The following EFCAB13 variants were observed in gnomAD, a reference collection of about 807,000 sequenced individuals.
EFCAB13 encodes the protein EF-hand calcium-binding domain-containing protein 13.
EFCAB13 carries 91 observed loss-of-function variants against 110.2 expected under a neutral mutation model. The ratio of observed to expected loss-of-function variants is 0.83; its 90% CI spans 0.70 to 0.98. The LOEUF is 0.98. Among genes scored for constraint, EFCAB13 ranks in the 50% least tolerant of loss-of-function variants. EFCAB13 has a pLI of 0.00. For missense variants in EFCAB13, 968 were observed against 1,119.4 expected (o/e 0.86, Z 1.93); for synonymous variants, 323 against 369.9 (o/e 0.87, Z 1.45).
rs1281935137 is a variant in EFCAB13, at chr17:47,431,892, T to G, written c.2638+1931T>G. On this transcript the variant is annotated intron_variant, in intron 24 of 24. Transcript: ENST00000331493. This position sits in a 1 kb window ranked among gnomAD's most constrained non-coding sequence, Gnocchi z 4.1. ...CAATTTTATACCATGATTATGTATT[T>G]GTCTACTTCTCCTTTTAATTCTGTC... 1.3e-5 allele frequency among the ~76,000 whole-genome samples: 2 copies of G among 152,360 alleles called. No homozygotes were observed. Among genetic ancestry groups the G allele is most frequent in the Admixed American group, 6.5e-5 (1 of 15,304 alleles).
At chr17:47,386,817 A>G (rs1028570443) in intron 14 of EFCAB13, among the ~76,000 whole-genome samples, 1 of 152,050 alleles carries the variant, frequency 6.6e-6, no homozygotes, top group African/African-American at 2.4e-5. Context: ...TGGGGAAAGC[A>G]TAGTATCTGG....
intron 9 of EFCAB13, among the ~76,000 whole-genome samples, chr17:47,353,903 C>A (rs1463848212): frequency 1.3e-5 from 2 of 151,660 alleles, no homozygotes; most frequent in Non-Finnish European, 2.9e-5. Flanking sequence ...TTGGTTATTT[C>A]TTTTCTTCTG....
chr17:47,344,449 T>C (rs2065404060), intron 7 of EFCAB13, among the ~76,000 whole-genome samples, 157 bp downstream of exon 7: 1 of 152,102 alleles, frequency 6.6e-6, no homozygotes, highest in Non-Finnish European at 1.5e-5. Context: ...TATATGGAAT[T>C]GGAAGACTTA....
chr17:47,371,365 T>C (rs2065583797), intron 11 of EFCAB13, among the ~76,000 whole-genome samples: 1 of 152,144 alleles, frequency 6.6e-6, no homozygotes, highest in African/African-American at 2.4e-5. Context: ...TCAGGTCTTA[T>C]GTTTAAGTCT....
At chr17:47,384,352 A>G (rs1280539813) in intron 14 of EFCAB13, among the ~76,000 whole-genome samples, 1 of 151,004 alleles carries the variant, frequency 6.6e-6, no homozygotes, top group Non-Finnish European at 1.5e-5. Flanking sequence ...TCCTGTCATC[A>G]TGATGCTAGC....
At chr17:47,437,840 T>C (rs1905241431) in intron 24 of EFCAB13, among the ~76,000 whole-genome samples, 1 of 152,168 alleles carries the variant, frequency 6.6e-6, no homozygotes, top group Non-Finnish European at 1.5e-5. Context: ...TTGTTTTTTG[T>C]TTTTGCTTTT....
intron 9 of EFCAB13, among the ~76,000 whole-genome samples, chr17:47,351,326 C>T (rs976817471): frequency 3.3e-4 from 37 of 110,844 alleles, no homozygotes; most frequent in African/African-American, 8.8e-4. Flanking sequence ...CGCGCGCGCG[C>T]GCCACGTTTT....
At chr17:47,413,130 A>G (rs762187653) in intron 22 of EFCAB13, among the ~76,000 whole-genome samples, 5 of 152,192 alleles carry the variant, frequency 3.3e-5, no homozygotes, top group Non-Finnish European at 7.3e-5. Context: ...TGCTTATTTA[A>G]TTACCATTCA....
At chr17:47,397,660 C>T (rs1451484160) in intron 17 of EFCAB13, among the ~76,000 whole-genome samples, 1 of 151,288 alleles carries the variant, frequency 6.6e-6, no homozygotes, top group Non-Finnish European at 1.5e-5. Context: ...GCCTCTACCC[C>T]GCCGCCCCGC....
At chr17:47,364,057 G>A (rs2065531872) in intron 10 of EFCAB13, among the ~76,000 whole-genome samples, 1 of 152,128 alleles carries the variant, frequency 6.6e-6, no homozygotes, top group African/African-American at 2.4e-5. Context: ...GGGTCTCCAG[G>A]TCTCCTGCTT....
chr17:47,391,691 T>A, intron 15 of EFCAB13, 111 bp downstream of exon 15: 1 of 952,168 alleles, frequency 1.1e-6, no homozygotes, highest in Non-Finnish European at 1.5e-6. Context: ...AAGTTAAAAT[T>A]AAACTAATAC....
chr17:47,382,736 C>A (rs1295514914), intron 14 of EFCAB13, among the ~76,000 whole-genome samples: 2 of 151,998 alleles, frequency 1.3e-5, no homozygotes, highest in Non-Finnish European at 2.9e-5. Flanking sequence ...ATATTGGCCC[C>A]AAATTTTCTT....
rs1325000658 is a variant in EFCAB13 at position 47,335,355 on chromosome 17, A to G, written c.190A>G (p.Ile64Val). ...GAGTTTGAGCCCAGAATATAAAAAA[A>G]TGTAAGTTAAAAACTCTGAACTTAC... ...IRSLSPEYKKIFETSIIFCGE... is the reference protein window; with the variant it reads ...IRSLSPEYKKVFETSIIFCGE... Residue 64 changes from isoleucine to valine, a missense_variant and splice_region_variant, in exon 5 of 25, where the codon ATA becomes GTA. Physicochemically the swap from Ile to Val is conservative, Grantham distance 29. Coordinates refer to ENST00000331493, the MANE Select transcript of EFCAB13 (RefSeq NM_152347.5). 3 of 1,581,580 alleles carry G rather than the reference A, an allele frequency of 1.9e-6. No homozygotes were observed. Among genetic ancestry groups the G allele is most frequent in the East Asian group, 4.5e-5 (2 of 44,628 alleles).
At chr17:47,430,333 T>C (rs1328763662) in intron 24 of EFCAB13, 15 of 459,658 alleles carry the variant, frequency 3.3e-5, no homozygotes, top group South Asian at 1.9e-4. Context: ...CCAGGGGGTG[T>C]TGCACATAGT....
At chr17:47,371,187 C>T (rs2065582688) in intron 11 of EFCAB13, among the ~76,000 whole-genome samples, 1 of 149,378 alleles carries the variant, frequency 6.7e-6, no homozygotes, top group African/African-American at 2.5e-5. Flanking sequence ...GTTGTCTCTT[C>T]AATCTGTTAT....
intron 4 of EFCAB13, among the ~76,000 whole-genome samples, chr17:47,329,543 A>G (rs2065307600): frequency 6.6e-6 from 1 of 152,098 alleles, no homozygotes; most frequent in African/African-American, 2.4e-5. Flanking sequence ...TATACCTACT[A>G]CTTTGTTGAT....
chr17:47,420,186 T>G (rs558116395), intron 23 of EFCAB13, among the ~76,000 whole-genome samples: 68 of 152,316 alleles, frequency 4.5e-4, no homozygotes, highest in Non-Finnish European at 8.7e-4. Flanking sequence ...CTAACGTGAG[T>G]GATCCGCCAG....
intron 24 of EFCAB13, among the ~76,000 whole-genome samples, chr17:47,435,024 C>G (rs756575440): frequency 6.6e-6 from 1 of 151,920 alleles, no homozygotes; most frequent in Non-Finnish European, 1.5e-5. Context: ...GCAACCAAAA[C>G]AAAAATAAAT....
At chr17:47,424,730 G>C (rs9908049) in intron 23 of EFCAB13, among the ~76,000 whole-genome samples, 96,504 of 151,426 alleles carry the variant, frequency 0.64, 31,280 homozygotes, top group African/African-American at 0.73. Flanking sequence ...CTTGCTTTGT[G>C]CCAACAGTAC....
Sources: allele counts gnomAD v4.1 joint callset (sites outside exome capture counted in the v4.1 genomes callset), GRCh38; gene constraint gnomAD v4.1.1; non-coding constraint Gnocchi (gnomAD v3.1); transcripts MANE v1.5; gene names NCBI Gene and HGNC (gene_info 2026-07-23, HGNC 2026-07-21).